Variants in TANC2 observed in about 807,000 individuals in gnomAD.
The protein encoded by TANC2 is tetratricopeptide repeat, ankyrin repeat and coiled-coil containing 2, also known as protein TANC2.
TANC2 carries 26 observed loss-of-function variants against 210.5 expected under a neutral mutation model. That is an observed-to-expected ratio of 0.12 (90% confidence interval 0.09 to 0.17). TANC2 has a LOEUF of 0.17. TANC2 is among the 10% of genes least tolerant of loss of function. The pLI, the probability that TANC2 is intolerant of heterozygous loss-of-function variation, is 1.00. For synonymous variants in TANC2, 931 were observed against 967.1 expected, an observed-to-expected ratio of 0.96 and a Z score of 0.69; for missense variants, 2,129 against 2,608.9, an observed-to-expected ratio of 0.82 and a Z score of 4.01.
intron 3 of TANC2, 60 bp from the exon 4 acceptor site, chr17:63,099,115 T>C (rs1337562003): frequency 6.6e-7 from 1 of 1,512,762 alleles, no homozygotes; most frequent in Non-Finnish European, 9.1e-7. Context: ...TAAGATGTAT[T>C]TTAATAGGGA....
intron 11 of TANC2, among the ~76,000 whole-genome samples, chr17:63,339,893 C>T (rs1324613531): frequency 6.6e-6 from 1 of 152,092 alleles, no homozygotes; most frequent in Non-Finnish European, 1.5e-5. Flanking sequence ...ATAGAAGTAT[C>T]AAATTTCTGA....
exon 17 of TANC2, chr17:63,389,440 G>C (rs751797493): frequency 1.2e-6 from 2 of 1,613,978 alleles, no homozygotes; most frequent in Non-Finnish European, 1.7e-6. Flanking sequence ...GGAGTTCGGG[G>C]CCAACGTGGA....
chr17:63,302,735 C>T (rs1181345525), intron 9 of TANC2, among the ~76,000 whole-genome samples: 1 of 148,850 alleles, frequency 6.7e-6, no homozygotes, highest in Admixed American at 6.8e-5. Context: ...TGGGTCTTGA[C>T]TCTTTATCCG....
At chr17:62,983,878 G>T (rs189803863) in intron 1 of TANC2, among the ~76,000 whole-genome samples, 94 of 152,130 alleles carry the variant, frequency 6.2e-4, no homozygotes, top group African/African-American at 2.1e-3. Flanking sequence ...TTAGTATTTT[G>T]TTGAGAAGTT....
chr17:63,383,830 C>T (rs1447702800), intron 15 of TANC2, among the ~76,000 whole-genome samples: 2 of 152,132 alleles, frequency 1.3e-5, no homozygotes, highest in African/African-American at 2.4e-5. Flanking sequence ...CCACCGGCAG[C>T]GACTGATCAG....
intron 8 of TANC2, among the ~76,000 whole-genome samples, chr17:63,240,222 C>A (rs556835735): frequency 6.6e-6 from 1 of 152,204 alleles, no homozygotes; most frequent in Non-Finnish European, 1.5e-5. Context: ...CCTAACTAAG[C>A]TACAATGATT....
At chr17:62,987,551 G>A (rs562674174) in intron 1 of TANC2, among the ~76,000 whole-genome samples, 2 of 152,292 alleles carry the variant, frequency 1.3e-5, no homozygotes, top group African/African-American at 4.8e-5. Context: ...ATTTGTGGTG[G>A]CAGTGGGGAC....
intron 18 of TANC2, chr17:63,397,061 G>C (rs1313506453): frequency 1.3e-5 from 2 of 151,916 alleles, no homozygotes; most frequent in Non-Finnish European, 1.5e-5. Context: ...GATCACCTGA[G>C]GTCAGAAGTT....
intron 19 of TANC2, among the ~76,000 whole-genome samples, chr17:63,403,574 T>C (rs2048407897): frequency 6.6e-6 from 1 of 152,216 alleles, no homozygotes; most frequent in African/African-American, 2.4e-5. Context: ...GAAATAATTA[T>C]AGCCATTAAC....
At chr17:63,149,732 A>G (rs543624853) in intron 4 of TANC2, 3 of 152,260 alleles carry the variant, frequency 2.0e-5, no homozygotes, top group South Asian at 2.1e-4. Context: ...TAGCCTGCAT[A>G]TATACATATA....
intron 11 of TANC2, among the ~76,000 whole-genome samples, chr17:63,337,445 T>C (rs1244156615): frequency 6.6e-6 from 1 of 152,014 alleles, no homozygotes; most frequent in Non-Finnish European, 1.5e-5. Flanking sequence ...ATAGCTTGTT[T>C]TTCTCTATAT....
At chr17:63,351,212 T>A in intron 12 of TANC2, 38 bp from the exon 13 acceptor site, 1 of 1,536,984 alleles carries the variant, frequency 6.5e-7, no homozygotes, top group Non-Finnish European at 8.8e-7. Context: ...ATTTATCCAC[T>A]TGGTAATTAT....
In TANC2 at chr17:63,314,664, C is replaced by G. The variant is rs765441426; in HGVS notation, c.1436C>G (p.Pro479Arg). ...GCCTCAGACAGCCCACATGCCTCCC[C>G]CAAACGTACGTATTCCTTTTTAAAG... Residue 479 changes from proline to arginine, a missense_variant, in exon 10 of 28, where the codon CCC becomes CGC. By Grantham distance (103) the Pro-to-Arg change is moderately radical (BLOSUM62 -2). This residue lies in a region of TANC2 where 739 missense variants were observed against 848.0 expected (regional missense o/e 0.87). Coordinates refer to ENST00000689528, the Ensembl canonical transcript of TANC2. 1.9e-6 allele frequency: 3 copies of G among 1,613,200 alleles called. No homozygotes were observed. In the South Asian group the frequency reaches 3.3e-5, roughly 18 times the overall value.
intron 5 of TANC2, among the ~76,000 whole-genome samples, chr17:63,176,185 C>T (rs1219937964): frequency 6.6e-6 from 1 of 152,192 alleles, no homozygotes; most frequent in African/African-American, 2.4e-5. Flanking sequence ...AGCCATTACA[C>T]ACCTATGTGT....
At chr17:63,226,453 A>G (rs1228222830) in intron 7 of TANC2, among the ~76,000 whole-genome samples, 3 of 152,208 alleles carry the variant, frequency 2.0e-5, no homozygotes, top group Non-Finnish European at 4.4e-5. Context: ...TGCTGTGGCC[A>G]GCTAGCACCT....
chr17:63,112,539 T>G (rs2038091080), intron 4 of TANC2, among the ~76,000 whole-genome samples: 1 of 152,186 alleles, frequency 6.6e-6, no homozygotes, highest in Non-Finnish European at 1.5e-5. Flanking sequence ...ACTGATAGGG[T>G]CACACTGGTC....
At chr17:63,032,341 A>ATC (rs759193423) in intron 2 of TANC2, among the ~76,000 whole-genome samples, 8 of 152,158 alleles carry the variant, frequency 5.3e-5, no homozygotes, top group Non-Finnish European at 7.4e-5. Context: ...GTTTGTGATC[A>ATC]TCTCAGCTTG....
chr17:63,025,857 T>TAAAATAAAAA (rs1555757323), intron 2 of TANC2, among the ~76,000 whole-genome samples: 1 of 148,858 alleles, frequency 6.7e-6, no homozygotes, highest in African/African-American at 2.5e-5. Flanking sequence ...TAAAATAAAA[T>TAAAATAAAAA]AAAAAATAAA....
At chr17:63,206,911 A>G (rs1309582708) in intron 7 of TANC2, among the ~76,000 whole-genome samples, 2 of 152,218 alleles carry the variant, frequency 1.3e-5, no homozygotes, top group Non-Finnish European at 2.9e-5. Flanking sequence ...AACATTTTTA[A>G]AAGAATATTT....
Sources: gnomAD v4.1 joint callset for allele counts (sites outside exome capture counted in the v4.1 genomes callset) on GRCh38, gnomAD v4.1.1 for gene constraint, gnomAD v4.1.1 regional missense constraint, MANE v1.5 for transcripts, NCBI Gene and HGNC (gene_info 2026-07-23, HGNC 2026-07-21) for gene names.